RUNDC3B: variants seen among roughly 807,000 people sequenced by gnomAD.
RUNDC3B encodes the protein RUN domain containing 3B, also known as RUN domain-containing protein 3B.
RUNDC3B carries 33 observed loss-of-function variants against 58.4 expected under a neutral mutation model. That is an observed-to-expected ratio of 0.56 (90% CI 0.43 to 0.75). The LOEUF (loss-of-function observed/expected upper bound fraction) is 0.75, where lower values mean the gene tolerates loss of function less well. Among genes scored for constraint, RUNDC3B ranks in the 30% least tolerant of loss-of-function variants. RUNDC3B has a pLI of 0.00. For missense variants in RUNDC3B, 501 were observed against 535.7 expected (o/e 0.94, Z 0.64); for synonymous variants, 193 against 195.2 (o/e 0.99, Z 0.10).
chr7:87,794,745 C>T (rs569674649), intron 8 of RUNDC3B, among the ~76,000 whole-genome samples: 1 of 151,790 alleles, frequency 6.6e-6, no homozygotes, highest in Admixed American at 6.6e-5. Flanking sequence ...TACTACAGAG[C>T]TATCATAACC....
intron 3 of RUNDC3B, among the ~76,000 whole-genome samples, chr7:87,701,873 G>T (rs1829069944): frequency 6.6e-6 from 1 of 152,072 alleles, no homozygotes; most frequent in African/African-American, 2.4e-5. Context: ...GCCGGGCGCG[G>T]TGGCTCACGC....
At chr7:87,823,193 C>A (rs748483754) in intron 10 of RUNDC3B, among the ~76,000 whole-genome samples, 6 of 151,992 alleles carry the variant, frequency 3.9e-5, no homozygotes, top group Admixed American at 1.3e-4. Flanking sequence ...GTTATGCAAA[C>A]CTCTGGCCTT....
intron 2 of RUNDC3B, among the ~76,000 whole-genome samples, chr7:87,692,089 T>G (rs1470927569): frequency 6.6e-6 from 1 of 152,128 alleles, no homozygotes; most frequent in Non-Finnish European, 1.5e-5. Context: ...TTTCCCATGG[T>G]CTTTCACAGC....
chr7:87,630,204 T>A (rs896923958), intron 1 of RUNDC3B, among the ~76,000 whole-genome samples: 2 of 152,242 alleles, frequency 1.3e-5, no homozygotes, highest in African/African-American at 4.8e-5. Context: ...GTTATTTTTC[T>A]TGTGTAAAAA....
At chr7:87,755,089 C>G (rs1022046477) in intron 6 of RUNDC3B, among the ~76,000 whole-genome samples, 3 of 150,658 alleles carry the variant, frequency 2.0e-5, no homozygotes, top group Admixed American at 1.3e-4. Context: ...GTGCAATGAT[C>G]TCGGCTCACT....
intron 2 of RUNDC3B, among the ~76,000 whole-genome samples, chr7:87,655,783 A>G (rs1027085300): frequency 3.3e-5 from 5 of 152,096 alleles, no homozygotes; most frequent in African/African-American, 1.2e-4. Flanking sequence ...TATGCTGGAA[A>G]CTTAACCCCC....
At chr7:87,762,499 A>G (rs1245384173) in intron 6 of RUNDC3B, among the ~76,000 whole-genome samples, 1 of 151,364 alleles carries the variant, frequency 6.6e-6, no homozygotes, top group Non-Finnish European at 1.5e-5. Context: ...TCAATGGTAT[A>G]TTGGTGACAT....
At position 87,650,874 on chromosome 7, in the gene RUNDC3B, T is replaced by G. The variant is rs1390926547; in HGVS notation, c.175T>G (p.Ser59Ala). ...GTCTTGCTTTGAGACAATTGATGAT[T>G]CTTCTCCTGAATTTAACAATTTTGC... The part of the protein sequence containing the change: ...DRSCFETIDD[S>A]SPEFNNFAAI... Residue 59 changes from serine to alanine, a missense_variant, in exon 2 of 11, where the codon TCT becomes GCT. Physicochemically the swap from Ser to Ala is moderately conservative, Grantham distance 99. Transcript: ENST00000394654. The G allele has an allele frequency of 6.2e-7, 1 of 1,613,364 alleles. No homozygotes were observed. The highest frequency in any genetic ancestry group is 8.5e-7 in the Non-Finnish European group (1 of 1,179,454).
chr7:87,787,809 A>C (rs1835302249), intron 8 of RUNDC3B, among the ~76,000 whole-genome samples: 1 of 152,234 alleles, frequency 6.6e-6, no homozygotes, highest in Non-Finnish European at 1.5e-5. Context: ...GGAACCTTAA[A>C]ATCTCCTTTA....
chr7:87,674,792 A>G (rs1180099872), intron 2 of RUNDC3B, among the ~76,000 whole-genome samples: 1 of 152,110 alleles, frequency 6.6e-6, no homozygotes, highest in Non-Finnish European at 1.5e-5. Flanking sequence ...AGGAGAGGCT[A>G]GCTGACAGGA....
chr7:87,660,832 T>TGGAAG (rs1330414506), intron 2 of RUNDC3B, among the ~76,000 whole-genome samples: 2 of 152,002 alleles, frequency 1.3e-5, no homozygotes, highest in Admixed American at 6.6e-5. Context: ...ATGAGTAATT[T>TGGAAG]GGAAGTCTTT....
chr7:87,824,750 C>T (rs936391173), intron 10 of RUNDC3B, among the ~76,000 whole-genome samples: 9 of 152,088 alleles, frequency 5.9e-5, no homozygotes, highest in Admixed American at 1.3e-4. Flanking sequence ...ATGAGGTGGT[C>T]TCAGATGGAG....
chr7:87,709,991 A>C (rs1372712537), intron 3 of RUNDC3B, among the ~76,000 whole-genome samples: 1 of 152,066 alleles, frequency 6.6e-6, no homozygotes, highest in African/African-American at 2.4e-5. Context: ...TTGTTTTTCT[A>C]GTTTAAATAT....
intron 10 of RUNDC3B, among the ~76,000 whole-genome samples, chr7:87,823,365 T>C (rs1468811094): frequency 6.6e-6 from 1 of 151,548 alleles, no homozygotes; most frequent in African/African-American, 2.4e-5. Context: ...TATGCAAAAC[T>C]ATTTTTTTTC....
chr7:87,764,244 C>T (rs1385672725), intron 6 of RUNDC3B, among the ~76,000 whole-genome samples: 1 of 151,790 alleles, frequency 6.6e-6, no homozygotes, highest in Admixed American at 6.6e-5. Flanking sequence ...GTAAGACTTG[C>T]TCCTTACATT....
intron 10 of RUNDC3B, among the ~76,000 whole-genome samples, chr7:87,826,697 A>G (rs1434161095): frequency 1.3e-5 from 2 of 152,204 alleles, no homozygotes; most frequent in African/African-American, 4.8e-5. Flanking sequence ...CTATCATTCA[A>G]GAACAACGTT....
At chr7:87,783,288 T>C (rs1417906187) in intron 8 of RUNDC3B, among the ~76,000 whole-genome samples, 1 of 152,186 alleles carries the variant, frequency 6.6e-6, no homozygotes, top group African/African-American at 2.4e-5. Flanking sequence ...GTGTTGTTTC[T>C]TTAAAGTATG....
intron 8 of RUNDC3B, among the ~76,000 whole-genome samples, chr7:87,785,268 T>C (rs1018979757): frequency 6.6e-6 from 1 of 151,842 alleles, no homozygotes; most frequent in African/African-American, 2.4e-5. Flanking sequence ...AAGCAGAAGG[T>C]ACGACTGGTC....
chr7:87,739,740 A>G lies in RUNDC3B; in HGVS notation c.459-51A>G, dbSNP rs1375196037. ...GGCTCTAAATGATTTCTCTCGATCAAACTTCCATTTATTTTTAATATTTTA... is the reference window on the plus strand; with the variant it reads ...GGCTCTAAATGATTTCTCTCGATCAGACTTCCATTTATTTTTAATATTTTA... On this transcript the variant is annotated intron_variant, in intron 4 of 10. Transcript: ENST00000394654. 3 of 839,134 alleles carry G rather than the reference A, an allele frequency of 3.6e-6. No individual in the cohort carries two copies. The Admixed American group carries it at 6.1e-5, about 17-fold the overall frequency. The allele number at this position is 839,134 out of a possible 1,614,324, so 52.0% of individuals were successfully genotyped here.
Sources: gnomAD v4.1 joint callset for allele counts (sites outside exome capture counted in the v4.1 genomes callset) on GRCh38, gnomAD v4.1.1 for gene constraint, MANE v1.5 for transcripts, NCBI Gene and HGNC (gene_info 2026-07-23, HGNC 2026-07-21) for gene names.